CCDC88C: variants seen among roughly 807,000 people sequenced by gnomAD.
CCDC88C encodes the protein protein Daple.
In CCDC88C, 131 loss-of-function variants were observed where a neutral mutation model predicts 198.8. That is an observed-to-expected ratio of 0.66 (90% CI 0.57 to 0.76). The LOEUF is 0.76. Ranked by LOEUF, CCDC88C falls within the 30% of genes least tolerant of loss-of-function variation. The pLI, the probability that CCDC88C is intolerant of heterozygous loss-of-function variation, is 0.00. For missense variants in CCDC88C, 2,553 were observed against 2,631.6 expected, an observed-to-expected ratio of 0.97 and a Z score of 0.65; for synonymous variants, 1,166 against 1,114.7, an observed-to-expected ratio of 1.05 and a Z score of -0.92.
intron 2 of CCDC88C, among the ~76,000 whole-genome samples, chr14:91,415,776 G>A (rs957586597): frequency 6.8e-6 from 1 of 148,092 alleles, no homozygotes; most frequent in African/African-American, 2.6e-5. Flanking sequence ...GGCTGTTTAA[G>A]GCAATCTATA....
chr14:91,311,807 A>G (rs897628244), intron 15 of CCDC88C, among the ~76,000 whole-genome samples: 3 of 152,162 alleles, frequency 2.0e-5, no homozygotes, highest in African/African-American at 4.8e-5. Flanking sequence ...CAAGAGACTA[A>G]CACGTTCACA....
chr14:91,379,022 G>T (rs998348315), intron 3 of CCDC88C: 1 of 152,220 alleles, frequency 6.6e-6, no homozygotes, highest in Non-Finnish European at 1.5e-5. Context: ...ACAGTACGGT[G>T]TGTGGATGTG....
At chr14:91,315,996 C>T (rs1229627989) in intron 13 of CCDC88C, 1 of 539,994 alleles carries the variant, frequency 1.9e-6, no homozygotes, top group Non-Finnish European at 3.3e-6. Context: ...ATCACCATCC[C>T]CCCAGCGTCC....
At chr14:91,342,618 C>T (rs886729153) in intron 5 of CCDC88C, among the ~76,000 whole-genome samples, 155 bp from the exon 6 acceptor site, 1 of 152,232 alleles carries the variant, frequency 6.6e-6, no homozygotes, top group Admixed American at 6.5e-5. Flanking sequence ...CAGCCTTACA[C>T]TGATGTGTCT....
At chr14:91,295,991 G>A (rs1351809475) in intron 22 of CCDC88C, among the ~76,000 whole-genome samples, 3 of 152,194 alleles carry the variant, frequency 2.0e-5, no homozygotes, top group Non-Finnish European at 4.4e-5. Flanking sequence ...GCCAGGGAGA[G>A]GCCTTGGGAG....
At chr14:91,382,793 C>T (rs1044195458) in intron 3 of CCDC88C, among the ~76,000 whole-genome samples, 6 of 152,188 alleles carry the variant, frequency 3.9e-5, no homozygotes, top group Non-Finnish European at 7.3e-5. Context: ...GCTACGCACC[C>T]GCTTTAAAAT....
At chr14:91,356,514 C>CG (rs1222307890) in intron 4 of CCDC88C, among the ~76,000 whole-genome samples, 1 of 152,114 alleles carries the variant, frequency 6.6e-6, no homozygotes, top group Admixed American at 6.5e-5. Context: ...TTATATACCA[C>CG]GGGGGCCCCA....
intron 4 of CCDC88C, among the ~76,000 whole-genome samples, chr14:91,355,388 G>A (rs552890943): frequency 2.0e-5 from 3 of 152,182 alleles, no homozygotes; most frequent in Admixed American, 6.5e-5. Context: ...TATAAGAGCC[G>A]TCATATAAAA....
At chr14:91,319,715 A>C (rs1173236830) in intron 13 of CCDC88C, among the ~76,000 whole-genome samples, 1 of 152,138 alleles carries the variant, frequency 6.6e-6, no homozygotes, top group Non-Finnish European at 1.5e-5. Context: ...TAATCCCCAC[A>C]ACAGCCAGCA....
intron 12 of CCDC88C, 78 bp from the exon 13 acceptor site, chr14:91,321,382 C>A: frequency 6.9e-7 from 1 of 1,454,962 alleles, no homozygotes; most frequent in South Asian, 1.2e-5. Flanking sequence ...CCGAGATGGT[C>A]ATCAGTCCCG....
intron 3 of CCDC88C, among the ~76,000 whole-genome samples, chr14:91,400,941 T>A (rs4904773): frequency 0.13 from 19,464 of 152,032 alleles, 1,329 homozygotes; most frequent in Middle Eastern, 0.2. Flanking sequence ...AGTGGTATGG[T>A]TTATAATTCT....
Position 91,381,103 on chromosome 14 carries a change from C to G in CCDC88C, c.271-21392G>C, listed in dbSNP as rs2139951976. Among the ~76,000 whole-genome samples the G allele has an allele frequency of 6.6e-6, 1 of 152,324 alleles. No individual in the cohort carries two copies. The highest frequency in any genetic ancestry group is 2.4e-5 in the African/African-American group (1 of 41,586). On this transcript the variant is annotated intron_variant, in intron 3 of 29. Transcript: ENST00000389857. The surrounding 1 kb of genome is among the most constrained non-coding windows in gnomAD (Gnocchi z 4.2). Reference sequence around the variant, plus strand: ...CCTCTGTTTAACCCACTGAAAGCCACTGGTCCCATTACAGGAAAGGTTACC... The same window carrying G: ...CCTCTGTTTAACCCACTGAAAGCCAGTGGTCCCATTACAGGAAAGGTTACC...
chr14:91,321,217 C>T lies in CCDC88C; in HGVS notation c.1430G>A (p.Ser477Asn), dbSNP rs368132530. 1.2e-6 allele frequency: 2 copies of T among 1,606,618 alleles called. No individual in the cohort carries two copies. The highest frequency in any genetic ancestry group is 8.5e-7 in the Non-Finnish European group (1 of 1,176,552). The change falls in exon 13 of 30, where the codon AGC (serine) becomes AAC (asparagine). Residue 477 changes from serine to asparagine, a missense_variant. Physicochemically the swap from Ser to Asn is conservative, Grantham distance 46 (BLOSUM62 1). This residue lies in a region of CCDC88C where 1,260 missense variants were observed against 1,412.0 expected (regional missense o/e 0.89). Coordinates refer to ENST00000389857, the MANE Select transcript of CCDC88C (RefSeq NM_001080414.4). Reference protein sequence around the residue: ...KLEKENQSLQSTIQGLRDASL... With the variant: ...KLEKENQSLQNTIQGLRDASL... ...CGCGTCCCGCAGCCCCTGGATGGTG[C>T]TCTGGAGGCTCTGATTCTCCTTCTC...
intron 17 of CCDC88C, 133 bp downstream of exon 17, chr14:91,308,217 TC>T: frequency 9.8e-7 from 1 of 1,022,912 alleles, no homozygotes; most frequent in Non-Finnish European, 1.4e-6. Context: ...GCTCCCTCAG[TC>T]ACTCTGTGGC....
rs567683210 is a variant in CCDC88C at position 91,411,959 on chromosome 14, T to C, written c.162-3192A>G. On this transcript the variant is annotated intron_variant, in intron 2 of 29. Coordinates refer to ENST00000389857, the MANE Select transcript of CCDC88C (RefSeq NM_001080414.4). ...GCCTGTGCAACAGAGTGAGACTCCA[T>C]CTCAAAAAAAAAAAAAAAGGAAGAA... is the stretch of plus-strand genomic sequence containing the variant. 3.1e-3 allele frequency among the ~76,000 whole-genome samples: 428 copies of C among 136,210 alleles called. 3 individuals carry two copies. The highest frequency in any genetic ancestry group is 0.012 in the African/African-American group (402 of 33,950). The allele number at this position is 136,210 out of a possible 152,430, so 89.4% of individuals were successfully genotyped here.
At chr14:91,302,268 G>A (rs76699589) in intron 20 of CCDC88C, among the ~76,000 whole-genome samples, 5 of 152,122 alleles carry the variant, frequency 3.3e-5, no homozygotes, top group African/African-American at 1.2e-4. Context: ...TTGTTGAGGC[G>A]GCTCCAAAGG....
chr14:91,349,268 G>A (rs1034818547), intron 4 of CCDC88C, among the ~76,000 whole-genome samples: 2 of 152,216 alleles, frequency 1.3e-5, no homozygotes. Context: ...TTTGCAGCAA[G>A]GCCCAGGGCA....
intron 3 of CCDC88C, among the ~76,000 whole-genome samples, chr14:91,369,390 A>G (rs11844090): frequency 0.1 from 15,272 of 152,052 alleles, 1,273 homozygotes; most frequent in African/African-American, 0.23. Flanking sequence ...TATTTTTGTA[A>G]AGATGGGGTT....
intron 3 of CCDC88C, among the ~76,000 whole-genome samples, chr14:91,375,510 A>C (rs1421289565): frequency 6.6e-6 from 1 of 152,110 alleles, no homozygotes; most frequent in African/African-American, 2.4e-5. Flanking sequence ...GGGCAGCGGA[A>C]TCAAAGAGCG....
Sources: allele counts gnomAD v4.1 joint callset (sites outside exome capture counted in the v4.1 genomes callset), GRCh38; gene constraint gnomAD v4.1.1; regional missense constraint gnomAD v4.1.1; non-coding constraint Gnocchi (gnomAD v3.1); transcripts MANE v1.5; gene names NCBI Gene and HGNC (gene_info 2026-07-23, HGNC 2026-07-21).